The following NCOR2 variants were observed in gnomAD, a reference collection of about 807,000 sequenced individuals.
The protein encoded by NCOR2 is nuclear receptor corepressor 2, also known as CTG repeat protein 26.
Under a neutral mutation model 262.9 loss-of-function variants are expected in NCOR2, and 81 were observed. That is an observed-to-expected ratio of 0.31 (90% CI 0.26 to 0.37). NCOR2 has a LOEUF of 0.37. Among genes scored for constraint, NCOR2 ranks in the 10% least tolerant of loss-of-function variants. The pLI is 1.00. For synonymous variants in NCOR2, 1,659 were observed against 1,559.3 expected (o/e 1.06, Z -1.51); for missense variants, 3,385 against 3,621.4 (o/e 0.93, Z 1.68).
chr12:124,361,525 C>T (rs1290421603), intron 22 of NCOR2, among the ~76,000 whole-genome samples: 5 of 152,202 alleles, frequency 3.3e-5, no homozygotes, highest in African/African-American at 1.2e-4. Context: ...GTGAGGTGTG[C>T]CCGGGGCAGT....
At chr12:124,368,349 CCT>C (rs1378503619) in intron 20 of NCOR2, among the ~76,000 whole-genome samples, 1 of 152,192 alleles carries the variant, frequency 6.6e-6, no homozygotes, top group Non-Finnish European at 1.5e-5. Flanking sequence ...CAGTACATCC[CCT>C]CTCCACCCAG....
At chr12:124,384,963 C>T (rs1180554664) in intron 17 of NCOR2, among the ~76,000 whole-genome samples, 1 of 151,994 alleles carries the variant, frequency 6.6e-6, no homozygotes, top group African/African-American at 2.4e-5. Context: ...CGCACATGAG[C>T]CTGGCTAAGC....
chr12:124,378,345 G>C lies in NCOR2; in HGVS notation c.2059C>G (p.Pro687Ala). The C allele has an allele frequency of 1.2e-6, 2 of 1,613,758 alleles. No individual in the cohort carries two copies. The highest frequency in any genetic ancestry group is 1.7e-6 in the Non-Finnish European group (2 of 1,179,886). ...GCAGCCTCCTCGCTGGCCGCCGCCGGCGCTTTCTTCTTCTTCCTCCGCGCG... is the reference window on the plus strand; with the variant it reads ...GCAGCCTCCTCGCTGGCCGCCGCCGCCGCTTTCTTCTTCTTCCTCCGCGCG... Residue 687 changes from proline (P) to alanine (A), a missense_variant, in exon 18 of 47, where the codon CCG becomes GCG. By Grantham distance (27) the Pro-to-Ala change is conservative (BLOSUM62 -1). Coordinates refer to ENST00000405201, the Ensembl canonical transcript of NCOR2. This position sits in a 1 kb window ranked among gnomAD's most constrained non-coding sequence, Gnocchi z 4.2.
chr12:124,521,328 G>A lies in NCOR2; in HGVS notation c.-118+14237C>T, dbSNP rs1052683909. ...TGGCTATCTGCACCTCCTCAATCCCGGGCCCCAGGGCTCCGTGACCTGGGC... is the reference window on the plus strand; with the variant it reads ...TGGCTATCTGCACCTCCTCAATCCCAGGCCCCAGGGCTCCGTGACCTGGGC... On this transcript the variant is annotated intron_variant, in intron 1 of 46. Coordinates refer to the NCOR2 transcript ENST00000404621. 8.9e-4 allele frequency among the ~76,000 whole-genome samples: 136 copies of A among 152,122 alleles called. 1 individual carries two copies. The highest frequency in any genetic ancestry group is 8.4e-3 in the Admixed American group (129 of 15,284).
chr12:124,325,064 G>T, exon 47 of NCOR2: 1 of 213,640 alleles, frequency 4.7e-6, no homozygotes, highest in South Asian at 1.8e-4. Flanking sequence ...GTGGAGGTGC[G>T]TGGTCATCCT....
chr12:124,330,226 C>T (rs2035066491), intron 44 of NCOR2, among the ~76,000 whole-genome samples: 1 of 152,232 alleles, frequency 6.6e-6, no homozygotes, highest in African/African-American at 2.4e-5. Flanking sequence ...GCAGAGTGAC[C>T]CCCAGAGGCC....
chr12:124,373,927 C>T (rs1444756135), intron 19 of NCOR2, among the ~76,000 whole-genome samples: 1 of 152,224 alleles, frequency 6.6e-6, no homozygotes, highest in Non-Finnish European at 1.5e-5. Context: ...GCACAGCCCA[C>T]ACCAACGGCC....
intron 45 of NCOR2, 85 bp downstream of exon 47, chr12:124,327,324 G>A (rs895721924): frequency 1.1e-4 from 124 of 1,085,096 alleles, no homozygotes; most frequent in Non-Finnish European, 1.4e-4. Flanking sequence ...TCGAGGAGGG[G>A]GTTGTCAGAG....
Position 124,501,060 on chromosome 12 carries a change from GCGCACACACACACACA to G in NCOR2, c.-117-5708_-117-5693del, listed in dbSNP as rs1368796534. ...CCACGGCACGAGCGCGCGCGCACGC[GCGCACACACACACACA>G]CACACACACACACACACACACACAC... On this transcript the variant is annotated intron_variant, in intron 1 of 46. Transcript: ENST00000404621. Among the ~76,000 whole-genome samples the G allele has an allele frequency of 1.4e-4, 7 of 48,822 alleles. 1 individual carries two copies. In the East Asian group the frequency reaches 3.9e-3, roughly 27 times the overall value. The allele number at this position is 48,822 out of a possible 152,430, so 32.0% of individuals were successfully genotyped here.
chr12:124,549,611 CCA>C lies in NCOR2; in HGVS notation c.-164-14002_-164-14001del, dbSNP rs560594031. Among the ~76,000 whole-genome samples, 100 of 152,218 alleles carry C rather than the reference CCA, an allele frequency of 6.6e-4. No homozygotes were observed. The South Asian group carries it at 8.5e-3, about 13-fold the overall frequency. ...ACACATCATGGGCTCATCATCACAG[CCA>C]CAGTGACTCCTGACTCCCCACTGCA... On this transcript the variant is annotated intron_variant, in intron 1 of 32. Transcript: ENST00000458234. This position sits in a 1 kb window ranked among gnomAD's most constrained non-coding sequence, Gnocchi z 4.4.
exon 32 of NCOR2, chr12:124,344,762 T>G: frequency 6.5e-7 from 1 of 1,549,390 alleles, no homozygotes; most frequent in East Asian, 2.4e-5. Context: ...CCCCCCGAGC[T>G]GCTGGCGGTC....
intron 24 of NCOR2, 72 bp from the exon 27 acceptor site, chr12:124,355,011 C>A: frequency 7.4e-7 from 1 of 1,353,314 alleles, no homozygotes; most frequent in Non-Finnish European, 1.0e-6. Flanking sequence ...GCCTGACGCT[C>A]CTGTTCAAAA....
At chr12:124,339,902 C>A in intron 37 of NCOR2, 104 bp downstream of exon 39, 3 of 696,394 alleles carry the variant, frequency 4.3e-6, no homozygotes, top group Non-Finnish European at 4.6e-6. Flanking sequence ...TGCCCACCCA[C>A]CCACCTCCCA....
Position 124,457,040 on chromosome 12 carries a change from CT to C in NCOR2, c.762+65del. The C allele has an allele frequency of 9.8e-7, 1 of 1,020,050 alleles. No homozygotes were observed. Among genetic ancestry groups the C allele is most frequent in the African/African-American group, 1.7e-5 (1 of 59,350 alleles). 63.2% of individuals were successfully genotyped at this position (1,020,050 alleles called of 1,614,324 possible). Reference sequence around the variant, plus strand: ...TTCCTCCTCCGCCGCACCCTCCCGCCTCCCTGCCCACCTCTCCAGCCACCCC... The same window carrying C: ...TTCCTCCTCCGCCGCACCCTCCCGCCCCCTGCCCACCTCTCCAGCCACCCC... On this transcript the variant is annotated intron_variant, in intron 6 of 46. Transcript: ENST00000405201. This position sits in a 1 kb window ranked among gnomAD's most constrained non-coding sequence, Gnocchi z 4.0.
intron 9 of NCOR2, among the ~76,000 whole-genome samples, chr12:124,430,022 G>A (rs1345059575): frequency 6.6e-6 from 1 of 151,702 alleles, no homozygotes; most frequent in Non-Finnish European, 1.5e-5. Flanking sequence ...GTTTCTCTCT[G>A]TGCCTCAGTT....
At chr12:124,386,431 G>A (rs937140616) in intron 16 of NCOR2, among the ~76,000 whole-genome samples, 1 of 152,074 alleles carries the variant, frequency 6.6e-6, no homozygotes, top group Non-Finnish European at 1.5e-5. Context: ...GGGATGAGCT[G>A]GGGCCAGGAG....
chr12:124,516,667 C>A (rs564575843), intron 1 of NCOR2, among the ~76,000 whole-genome samples: 3 of 152,130 alleles, frequency 2.0e-5, no homozygotes, highest in South Asian at 2.1e-4. Context: ...GAAACTGAGG[C>A]TCTGTGGGAT....
At chr12:124,563,447 T>C (rs1363192364) in intron 1 of NCOR2, among the ~76,000 whole-genome samples, 4 of 152,356 alleles carry the variant, frequency 2.6e-5, no homozygotes, top group East Asian at 1.9e-4. Flanking sequence ...CCCTCCGCTG[T>C]GCAACCTCAG....
chr12:124,483,641 G>A lies in NCOR2; in HGVS notation c.366C>T (p.Pro122=), dbSNP rs2047619379. 3.7e-6 allele frequency: 6 copies of A among 1,611,086 alleles called. No individual in the cohort carries two copies. The highest frequency in any genetic ancestry group is 5.1e-6 in the Non-Finnish European group (6 of 1,178,886). The change falls in exon 3 of 47, where the codon CCC becomes CCT. Residue 122 remains proline, a synonymous_variant. Coordinates refer to ENST00000405201, the Ensembl canonical transcript of NCOR2. The surrounding 1 kb of genome is among the most constrained non-coding windows in gnomAD (Gnocchi z 6.3). ...CCGCAGGCTGGCCCGTGGCCAGCAG[G>A]GGTGACGGTCGCAGCAGGGGGTCAG...
Sources: gnomAD v4.1 joint callset for allele counts (sites outside exome capture counted in the v4.1 genomes callset) on GRCh38, gnomAD v4.1.1 for gene constraint, Gnocchi (gnomAD v3.1) non-coding constraint, MANE v1.5 for transcripts, NCBI Gene and HGNC (gene_info 2026-07-23, HGNC 2026-07-21) for gene names.